PDE10A: variants seen among roughly 807,000 people sequenced by gnomAD.
PDE10A encodes cAMP and cAMP-inhibited cGMP 3',5'-cyclic phosphodiesterase 10A.
Under a neutral mutation model 97.7 loss-of-function variants are expected in PDE10A, and 39 were observed. The ratio of observed to expected loss-of-function variants is 0.40; its 90% CI spans 0.31 to 0.52. The LOEUF (loss-of-function observed/expected upper bound fraction) is 0.52. Among genes scored for constraint, PDE10A ranks in the 20% least tolerant of loss-of-function variants. The pLI, the probability that PDE10A is intolerant of heterozygous loss-of-function variation, is 0.56. For synonymous variants in PDE10A, 371 were observed against 376.8 expected (o/e 0.98, Z 0.18); for missense variants, 731 against 1,047.8 (o/e 0.70, Z 4.17).
chr6:165,945,785 C>G (rs566199917), intron 1 of PDE10A, among the ~76,000 whole-genome samples: 1 of 152,174 alleles, frequency 6.6e-6, no homozygotes, highest in African/African-American at 2.4e-5. Context: ...CAATAGATAA[C>G]TAATAGAGTC....
At chr6:165,548,579 G>C (rs1045385081) in intron 1 of PDE10A, among the ~76,000 whole-genome samples, 1 of 152,090 alleles carries the variant, frequency 6.6e-6, no homozygotes, top group Non-Finnish European at 1.5e-5. Context: ...GGCCTGAAGA[G>C]ATGTAGGTTC....
intron 1 of PDE10A, among the ~76,000 whole-genome samples, chr6:165,800,076 G>A (rs183738526): frequency 4.6e-5 from 7 of 152,300 alleles, no homozygotes; most frequent in Admixed American, 1.3e-4. Context: ...AGTGAGACCC[G>A]TGGCACCTTC....
chr6:165,732,468 T>C (rs1437719958), intron 1 of PDE10A, among the ~76,000 whole-genome samples: 1 of 151,954 alleles, frequency 6.6e-6, no homozygotes, highest in Non-Finnish European at 1.5e-5. Flanking sequence ...CGTCCAAGAG[T>C]TGTGGCGGCA....
intron 1 of PDE10A, among the ~76,000 whole-genome samples, chr6:165,878,142 C>T (rs1023613386): frequency 1.3e-5 from 2 of 152,154 alleles, no homozygotes; most frequent in East Asian, 3.9e-4. Context: ...GACACCAATG[C>T]CCTGTTTACT....
At chr6:165,384,909 A>C (rs1191567711) in intron 17 of PDE10A, among the ~76,000 whole-genome samples, 1 of 152,020 alleles carries the variant, frequency 6.6e-6, no homozygotes, top group East Asian at 1.9e-4. Flanking sequence ...TCATACACAA[A>C]ATTGCTTACG....
intron 1 of PDE10A, among the ~76,000 whole-genome samples, chr6:165,668,540 G>A (rs932672938): frequency 1.3e-5 from 2 of 151,380 alleles, no homozygotes; most frequent in Non-Finnish European, 1.5e-5. Context: ...ATGTATACAA[G>A]GGGTTCGATG....
intron 11 of PDE10A, among the ~76,000 whole-genome samples, chr6:165,416,902 T>C (rs2128229545): frequency 6.6e-6 from 1 of 152,344 alleles, no homozygotes; most frequent in Non-Finnish European, 1.5e-5. Context: ...ACAAGGATTG[T>C]CTGTTTTTTA....
rs1780945056 is a variant in PDE10A at position 165,862,852 on chromosome 6, G to A, written c.-615+124677C>T. ...CAGCACCACACCCAGCTAATTTTTT[G>A]TATTTTTAGTACAGATGGGATTTTA... is the stretch of plus-strand genomic sequence containing the variant. On this transcript the variant is annotated intron_variant, in intron 1 of 19. Coordinates refer to the PDE10A transcript ENST00000366882. Among the ~76,000 whole-genome samples the A allele has an allele frequency of 6.6e-5, 10 of 152,186 alleles. No homozygotes were observed. In the South Asian group the frequency reaches 2.1e-3, roughly 32 times the overall value.
chr6:165,768,934 A>G (rs1777934842), intron 1 of PDE10A, among the ~76,000 whole-genome samples: 1 of 152,212 alleles, frequency 6.6e-6, no homozygotes, highest in African/African-American at 2.4e-5. Context: ...AATTATTTAC[A>G]CTTTAAAGTG....
intron 1 of PDE10A, among the ~76,000 whole-genome samples, chr6:165,703,227 G>A (rs1791624291): frequency 6.6e-6 from 1 of 152,124 alleles, no homozygotes; most frequent in South Asian, 2.1e-4. Context: ...AGTCACCTGT[G>A]CTACACCTGG....
chr6:165,500,605 G>C (rs754556361), intron 2 of PDE10A, among the ~76,000 whole-genome samples: 9 of 152,136 alleles, frequency 5.9e-5, no homozygotes, highest in Non-Finnish European at 1.3e-4. Context: ...TATTGTCCAA[G>C]GTTTCTCCCC....
intron 1 of PDE10A, among the ~76,000 whole-genome samples, chr6:165,823,177 A>G (rs1011866505): frequency 2.6e-5 from 4 of 151,902 alleles, no homozygotes; most frequent in African/African-American, 9.7e-5. Context: ...AAAAGGGTCC[A>G]AACACTTAGC....
chr6:165,733,733 A>G (rs1431344612), intron 1 of PDE10A, among the ~76,000 whole-genome samples: 1 of 152,174 alleles, frequency 6.6e-6, no homozygotes, highest in Admixed American at 6.5e-5. Context: ...TCTTGTCTCA[A>G]AGACATAATG....
At chr6:165,884,379 C>T (rs1246884001) in intron 1 of PDE10A, among the ~76,000 whole-genome samples, 1 of 152,222 alleles carries the variant, frequency 6.6e-6, no homozygotes, top group Non-Finnish European at 1.5e-5. Flanking sequence ...TTAGTTACTA[C>T]TTAAAGAACC....
intron 1 of PDE10A, among the ~76,000 whole-genome samples, chr6:165,578,189 T>C (rs951883658): frequency 6.6e-6 from 1 of 152,130 alleles, no homozygotes; most frequent in African/African-American, 2.4e-5. Flanking sequence ...AAGCCCAGCA[T>C]CTCTTTTAGT....
chr6:165,392,634 G>A lies in PDE10A; in HGVS notation c.2454+12C>T, dbSNP rs1436794386. 1 of 1,611,992 alleles carries A rather than the reference G, an allele frequency of 6.2e-7. No homozygotes were observed. On this transcript the variant is annotated intron_variant, in intron 16 of 21. Transcript: ENST00000539869. ...AGGTTACGAGAAACAGAGGTAAAGA[G>A]TGCACACCCACCTCAAGGTCTGTGA... is the stretch of plus-strand genomic sequence containing the variant.
intron 10 of PDE10A, among the ~76,000 whole-genome samples, chr6:165,426,357 TC>T (rs1789167649): frequency 6.6e-6 from 1 of 152,124 alleles, no homozygotes; most frequent in African/African-American, 2.4e-5. Flanking sequence ...CAGAACAGCA[TC>T]CAGCGTCCAG....
At chr6:165,588,805 T>C (rs1382717173) in intron 1 of PDE10A, among the ~76,000 whole-genome samples, 1 of 152,186 alleles carries the variant, frequency 6.6e-6, no homozygotes, top group East Asian at 1.9e-4. Flanking sequence ...CACCACTTAT[T>C]AATGTAACCT....
chr6:165,484,541 T>C (rs182204275), intron 2 of PDE10A, among the ~76,000 whole-genome samples: 36 of 152,310 alleles, frequency 2.4e-4, no homozygotes, highest in African/African-American at 8.4e-4. Flanking sequence ...CCCGATGATC[T>C]GAGATGGAGC....
Sources: allele counts gnomAD v4.1 joint callset (sites outside exome capture counted in the v4.1 genomes callset), GRCh38; gene constraint gnomAD v4.1.1; transcripts MANE v1.5; gene names NCBI Gene and HGNC (gene_info 2026-07-23, HGNC 2026-07-21).